The following FXR1 variants were observed in gnomAD, a reference collection of about 807,000 sequenced individuals.
The protein encoded by FXR1 is RNA-binding protein FXR1.
FXR1 carries 15 observed loss-of-function variants against 84.0 expected under a neutral mutation model. The ratio of observed to expected loss-of-function variants is 0.18; its 90% CI spans 0.12 to 0.27. The LOEUF (loss-of-function observed/expected upper bound fraction) is 0.27. FXR1 is among the 10% of genes least tolerant of loss of function. FXR1 has a pLI of 1.00. For missense variants in FXR1, 480 were observed against 774.4 expected (o/e 0.62, Z 4.51); for synonymous variants, 245 against 250.7 (o/e 0.98, Z 0.21).
chr3:180,971,114 G>A (rs1052955587), intron 15 of FXR1: 4 of 1,276,288 alleles, frequency 3.1e-6, no homozygotes, highest in Non-Finnish European at 4.1e-6. Flanking sequence ...AATCGTAGCC[G>A]CAGGCGTCGC....
Position 180,976,125 on chromosome 3 carries a change from A to G in FXR1, c.1699A>G (p.Lys567Glu). 2 of 1,602,290 alleles carry G rather than the reference A, an allele frequency of 1.2e-6. No individual in the cohort carries two copies. Among genetic ancestry groups the G allele is most frequent in the Non-Finnish European group, 1.7e-6 (2 of 1,176,316 alleles). ...TLAKNKKEMA[K>E]DVIEEHGPSE... ...AAAAGTTGTCTCCCTTTGGCAGGCA[A>G]AAGATGTGATTGAAGAGCATGGTCC... Residue 567 changes from lysine to glutamate, a missense_variant, in exon 17 of 17, where the codon AAA becomes GAA. Lys to Glu is a moderately conservative substitution (Grantham distance 56). This residue lies in a region of FXR1 where 94 missense variants were observed against 81.8 expected (regional missense o/e 1.15). Transcript: ENST00000357559.
chr3:180,931,026 C>CCCAAAAAAAAAAAAA (rs1719825973), intron 1 of FXR1, among the ~76,000 whole-genome samples: 1 of 55,642 alleles, frequency 1.8e-5, no homozygotes, highest in Non-Finnish European at 3.5e-5. Flanking sequence ...GAGACTGCCT[C>CCCAAAAAAAAAAAAA]AAAAAAAAAA....
In FXR1 at chr3:180,970,383, AATATATATATATAT is replaced by A. The variant is rs56345724; in HGVS notation, c.1603+51_1603+64del. ...GGTATGTAAGCACTTAGGGAAGAGA[AATATATATATATAT>A]ATATATATATATATATATATATATA... On this transcript the variant is annotated intron_variant, in intron 15 of 16. Coordinates refer to ENST00000357559, the MANE Select transcript of FXR1 (RefSeq NM_005087.4). 7.3e-4 allele frequency: 267 copies of A among 368,190 alleles called. 5 individuals are homozygous for A. Among genetic ancestry groups the A allele is most frequent in the African/African-American group, 5.6e-3 (184 of 33,010 alleles). 22.8% of individuals were successfully genotyped at this position (368,190 alleles called of 1,614,324 possible).
At chr3:180,950,765 G>A (rs1272189965) in intron 7 of FXR1, among the ~76,000 whole-genome samples, 6 of 151,948 alleles carry the variant, frequency 3.9e-5, no homozygotes, top group Non-Finnish European at 7.4e-5. Flanking sequence ...ATTTTACTTA[G>A]CATCAAGGTT....
chr3:180,946,617 T>G (rs1463256752), intron 3 of FXR1, among the ~76,000 whole-genome samples: 1 of 152,212 alleles, frequency 6.6e-6, no homozygotes, highest in Non-Finnish European at 1.5e-5. Context: ...GACTTCCTGC[T>G]TTTTCTCATA....
chr3:180,935,357 G>T, intron 3 of FXR1, 126 bp downstream of exon 3: 1 of 596,468 alleles, frequency 1.7e-6, no homozygotes, highest in East Asian at 2.9e-5. Context: ...TCTATTGGTG[G>T]TAATAGCTGT....
intron 1 of FXR1, among the ~76,000 whole-genome samples, chr3:180,925,940 T>C (rs796274820): frequency 5.3e-5 from 8 of 152,274 alleles, no homozygotes; most frequent in African/African-American, 1.9e-4. Context: ...TTGGGGTAAA[T>C]GGAGAGTTAA....
At chr3:180,930,235 C>T (rs1046842122) in intron 1 of FXR1, among the ~76,000 whole-genome samples, 6 of 151,810 alleles carry the variant, frequency 4.0e-5, no homozygotes, top group Non-Finnish European at 8.8e-5. Flanking sequence ...TGCACTCCAG[C>T]CTGGCAACAG....
Position 180,963,071 on chromosome 3 carries a change from T to G in FXR1, c.1179T>G (p.Pro393=). The G allele has an allele frequency of 6.5e-7, 1 of 1,535,314 alleles. No individual in the cohort carries two copies. Among genetic ancestry groups the G allele is most frequent in the East Asian group, 2.3e-5 (1 of 44,432 alleles). ...GAAGAGGCAGAGGTCGTCGGGGACC[T>G]AATTACACCTCCGGTTATGGTAAAA... ...YSGRGRGRRG[P]NYTSGYGTNS... is the part of the protein sequence containing the mutation. Residue 393 remains proline, a synonymous_variant, in exon 13 of 17, where the codon CCT becomes CCG. Coordinates refer to ENST00000357559, the MANE Select transcript of FXR1 (RefSeq NM_005087.4).
At chr3:180,968,309 C>G in intron 14 of FXR1, 55 bp downstream of exon 14, 1 of 1,269,126 alleles carries the variant, frequency 7.9e-7, no homozygotes, top group Non-Finnish European at 1.1e-6. Flanking sequence ...TTTAATTTTA[C>G]AAAAGTTAAT....
intron 1 of FXR1, among the ~76,000 whole-genome samples, chr3:180,926,506 ATTTT>A (rs57540765): frequency 8.0e-6 from 1 of 124,394 alleles, no homozygotes; most frequent in African/African-American, 2.9e-5. Flanking sequence ...ATATATATAT[ATTTT>A]TTTTTCTGGC....
intron 1 of FXR1, among the ~76,000 whole-genome samples, chr3:180,917,401 A>G (rs1173665396): frequency 6.6e-6 from 1 of 152,210 alleles, no homozygotes; most frequent in Non-Finnish European, 1.5e-5. Flanking sequence ...GTAATTGAAA[A>G]AACGATAATT....
chr3:180,923,277 G>A (rs1248115731), intron 1 of FXR1, among the ~76,000 whole-genome samples: 1 of 152,192 alleles, frequency 6.6e-6, no homozygotes, highest in African/African-American at 2.4e-5. Flanking sequence ...TCCCATTCCA[G>A]ATTGATAGAC....
intron 16 of FXR1, 45 bp from the exon 17 acceptor site, chr3:180,976,077 G>A (rs1020151315): frequency 1.3e-6 from 2 of 1,500,692 alleles, no homozygotes; most frequent in Non-Finnish European, 1.8e-6. Context: ...CTCAGCTATA[G>A]ATTTCATTTA....
At chr3:180,971,318 A>G (rs1425095060) in intron 15 of FXR1, 1 of 167,730 alleles carries the variant, frequency 6.0e-6, no homozygotes, top group African/African-American at 2.4e-5. Context: ...TACTACTATT[A>G]AGAAAATGCA....
chr3:180,964,359 C>G (rs968164689), intron 13 of FXR1, among the ~76,000 whole-genome samples: 3 of 152,004 alleles, frequency 2.0e-5, no homozygotes, highest in African/African-American at 7.2e-5. Context: ...TTGGATGATG[C>G]GTATGATGAA....
chr3:180,920,969 A>G (rs1349801748), intron 1 of FXR1, among the ~76,000 whole-genome samples: 1 of 152,238 alleles, frequency 6.6e-6, no homozygotes, highest in Non-Finnish European at 1.5e-5. Flanking sequence ...AGAAATCTTC[A>G]CATCCTCATT....
chr3:180,944,150 T>A (rs1211167547), intron 3 of FXR1, among the ~76,000 whole-genome samples: 1 of 151,954 alleles, frequency 6.6e-6, no homozygotes, highest in Non-Finnish European at 1.5e-5. Flanking sequence ...TGACCTCAGG[T>A]GATCCACCCA....
At chr3:180,970,421 T>A (rs1000019707) in intron 15 of FXR1, 63 bp downstream of exon 15, 17 of 268,454 alleles carry the variant, frequency 6.3e-5, no homozygotes, top group East Asian at 2.2e-4. Context: ...TATATATATA[T>A]AATTGTAAAC....
Sources: gnomAD v4.1 joint callset for allele counts (sites outside exome capture counted in the v4.1 genomes callset) on GRCh38, gnomAD v4.1.1 for gene constraint, gnomAD v4.1.1 regional missense constraint, MANE v1.5 for transcripts, NCBI Gene and HGNC (gene_info 2026-07-23, HGNC 2026-07-21) for gene names.